Variants in RBFOX1 observed in about 807,000 individuals in gnomAD.
RBFOX1 encodes the protein RNA binding protein fox-1 homolog 1.
In RBFOX1, 8 loss-of-function variants were observed where a neutral mutation model predicts 57.7. The observed-to-expected ratio is 0.14, with a 90% CI of 0.08 to 0.25. The LOEUF (loss-of-function observed/expected upper bound fraction) is 0.25, where lower values mean the gene tolerates loss of function less well. Among genes scored for constraint, RBFOX1 ranks in the 10% least tolerant of loss-of-function variants. RBFOX1 has a pLI of 1.00. For missense variants in RBFOX1, 611 were observed against 548.5 expected, an observed-to-expected ratio of 1.11 and a Z score of -1.14; for synonymous variants, 326 against 222.4, an observed-to-expected ratio of 1.47 and a Z score of -4.15.
At chr16:7,273,705 C>G (rs2095385481) in intron 4 of RBFOX1, among the ~76,000 whole-genome samples, 1 of 152,164 alleles carries the variant, frequency 6.6e-6, no homozygotes, top group African/African-American at 2.4e-5. Context: ...TTTTTAAATA[C>G]AGGACGTTTA....
At chr16:7,017,450 A>G (rs2093973331) in intron 3 of RBFOX1, among the ~76,000 whole-genome samples, 1 of 152,236 alleles carries the variant, frequency 6.6e-6, no homozygotes, top group African/African-American at 2.4e-5. Flanking sequence ...CTTAGCATGC[A>G]ACGCACACAC....
At chr16:7,586,614 G>T (rs138864849) in intron 6 of RBFOX1, among the ~76,000 whole-genome samples, 1 of 152,070 alleles carries the variant, frequency 6.6e-6, no homozygotes, top group Non-Finnish European at 1.5e-5. Context: ...TCTGTTTCTG[G>T]ACTTTTCATA....
chr16:6,804,934 G>A (rs943887452), intron 3 of RBFOX1, among the ~76,000 whole-genome samples: 2 of 152,168 alleles, frequency 1.3e-5, no homozygotes, highest in African/African-American at 2.4e-5. Context: ...CTTCTCATAT[G>A]CTGTTGGTCG....
chr16:6,532,958 G>A (rs917241662), intron 2 of RBFOX1, among the ~76,000 whole-genome samples: 6 of 152,152 alleles, frequency 3.9e-5, no homozygotes, highest in Non-Finnish European at 7.3e-5. Context: ...CAGTCTCCCA[G>A]TGTCCCTGTG....
chr16:7,509,026 A>G (rs1324585363), intron 4 of RBFOX1, among the ~76,000 whole-genome samples: 1 of 152,220 alleles, frequency 6.6e-6, no homozygotes, highest in Non-Finnish European at 1.5e-5. Flanking sequence ...ATAATAAAGG[A>G]AGAACAAAGT....
intron 4 of RBFOX1, among the ~76,000 whole-genome samples, chr16:7,310,195 T>C (rs562535059): frequency 6.6e-6 from 1 of 152,290 alleles, no homozygotes; most frequent in South Asian, 2.1e-4. Flanking sequence ...GCAGGCCGCC[T>C]CTGCTGGGAG....
At chr16:7,249,335 G>C (rs2094427505) in intron 4 of RBFOX1, among the ~76,000 whole-genome samples, 1 of 152,062 alleles carries the variant, frequency 6.6e-6, no homozygotes, top group Non-Finnish European at 1.5e-5. Context: ...AAATAAGATA[G>C]GAGGAGCCTG....
At chr16:5,356,389 C>G (rs1247078167) in intron 1 of RBFOX1, among the ~76,000 whole-genome samples, 2 of 152,194 alleles carry the variant, frequency 1.3e-5, no homozygotes, top group Non-Finnish European at 2.9e-5. Context: ...GTAGGAAACT[C>G]TATAGGGACT....
At chr16:6,513,500 G>C (rs544348810) in intron 2 of RBFOX1, among the ~76,000 whole-genome samples, 2 of 152,134 alleles carry the variant, frequency 1.3e-5, no homozygotes, top group Non-Finnish European at 2.9e-5. Context: ...TTGGGAGGTC[G>C]AGGCAGGCGG....
At chr16:5,766,871 G>A (rs952982743) in intron 3 of RBFOX1, among the ~76,000 whole-genome samples, 3 of 152,174 alleles carry the variant, frequency 2.0e-5, no homozygotes, top group Admixed American at 6.5e-5. Flanking sequence ...CTTTCACTGA[G>A]GAGTCACTGT....
intron 3 of RBFOX1, among the ~76,000 whole-genome samples, chr16:6,902,338 C>G (rs188235741): frequency 1.3e-5 from 2 of 152,210 alleles, no homozygotes; most frequent in African/African-American, 4.8e-5. Flanking sequence ...CATGGCAAAA[C>G]TCTGTTAGTA....
intron 3 of RBFOX1, among the ~76,000 whole-genome samples, chr16:5,663,721 G>C (rs1272931527): frequency 6.6e-6 from 1 of 152,230 alleles, no homozygotes; most frequent in Non-Finnish European, 1.5e-5. Flanking sequence ...CCTGCTGCCA[G>C]TGAGCGTGGA....
intron 3 of RBFOX1, among the ~76,000 whole-genome samples, chr16:6,702,110 A>G (rs1385483249): frequency 6.6e-6 from 1 of 152,192 alleles, no homozygotes; most frequent in Non-Finnish European, 1.5e-5. Flanking sequence ...AGTTTAAAAA[A>G]TTAGACCTCG....
chr16:6,391,569 C>G (rs1596496437), intron 2 of RBFOX1, among the ~76,000 whole-genome samples: 2 of 151,556 alleles, frequency 1.3e-5, no homozygotes, highest in Non-Finnish European at 2.9e-5. Context: ...AAAGATCATT[C>G]TATTTGCTGT....
At chr16:6,943,829 A>C (rs1190197729) in intron 3 of RBFOX1, among the ~76,000 whole-genome samples, 1 of 152,180 alleles carries the variant, frequency 6.6e-6, no homozygotes, top group Non-Finnish European at 1.5e-5. Flanking sequence ...CAAATAAGGC[A>C]AACGCTGAGC....
In RBFOX1 at chr16:7,432,928, A is replaced by T. The variant is rs140671458; in HGVS notation, c.28-85219A>T. The stretch of plus-strand genomic sequence containing the variant: ...TTATGGTGTTGCCCCAGAGGATTCA[A>T]TGTGTCAAGTGGCATTTTCGAACTG... On this transcript the variant is annotated intron_variant, in intron 4 of 15. Coordinates refer to ENST00000550418, the MANE Select transcript of RBFOX1 (RefSeq NM_018723.4). Among the ~76,000 whole-genome samples, 693 of 152,358 alleles carry T rather than the reference A, an allele frequency of 4.5e-3. 1 individual carries two copies. The highest frequency in any genetic ancestry group is 6.2e-3 in the Non-Finnish European group (422 of 68,038).
chr16:5,867,019 C>T (rs1482590048), intron 3 of RBFOX1, among the ~76,000 whole-genome samples: 1 of 152,140 alleles, frequency 6.6e-6, no homozygotes, highest in Non-Finnish European at 1.5e-5. Context: ...GGACATTGCT[C>T]ACAGCCCTCC....
chr16:7,660,615 C>G (rs2145378555), intron 12 of RBFOX1, among the ~76,000 whole-genome samples: 1 of 152,306 alleles, frequency 6.6e-6, no homozygotes, highest in African/African-American at 2.4e-5. Flanking sequence ...TCAGTTTTGT[C>G]TCAAATGTAA....
In RBFOX1 at chr16:7,007,850, C is replaced by T. The variant is rs2093391871; in HGVS notation, c.-15-44207C>T. 2.6e-5 allele frequency among the ~76,000 whole-genome samples: 4 copies of T among 152,302 alleles called. No homozygotes were observed. In the South Asian group the frequency reaches 6.2e-4, roughly 24 times the overall value. The stretch of plus-strand genomic sequence containing the variant: ...TTTCTGTAGCCCACCTAGTGGACAC[C>T]TCAGCATTAGGAAGTATCAACATGG... On this transcript the variant is annotated intron_variant, in intron 3 of 15. Coordinates refer to ENST00000550418, the MANE Select transcript of RBFOX1 (RefSeq NM_018723.4).
Sources: gnomAD v4.1 joint callset for allele counts (sites outside exome capture counted in the v4.1 genomes callset) on GRCh38, gnomAD v4.1.1 for gene constraint, MANE v1.5 for transcripts, NCBI Gene and HGNC (gene_info 2026-07-23, HGNC 2026-07-21) for gene names.